FAM204A: variants seen among roughly 807,000 people sequenced by gnomAD.
The protein encoded by FAM204A is family with sequence similarity 204 member A.
FAM204A carries 16 observed loss-of-function variants against 35.4 expected under a neutral mutation model. The observed-to-expected ratio is 0.45, with a 90% confidence interval of 0.31 to 0.69. FAM204A has a LOEUF of 0.69. Among genes scored for constraint, FAM204A ranks in the 30% least tolerant of loss-of-function variants. The probability of loss-of-function intolerance (pLI) is 0.07; values close to 1 mark genes in which losing one functional copy is unlikely to be tolerated. For synonymous variants in FAM204A, 76 were observed against 86.9 expected, an observed-to-expected ratio of 0.88 and a Z score of 0.70; for missense variants, 240 against 265.7, an observed-to-expected ratio of 0.90 and a Z score of 0.67.
rs1282408477 is a variant in FAM204A at position 118,309,100 on chromosome 10, T to C, written c.*1757A>G. The C allele has an allele frequency of 2.0e-5, 3 of 152,212 alleles. No individual in the cohort carries two copies. Among genetic ancestry groups the C allele is most frequent in the Non-Finnish European group, 2.9e-5 (2 of 68,046 alleles). 9.4% of individuals were successfully genotyped at this position (152,212 alleles called of 1,614,324 possible). On this transcript the variant is annotated 3_prime_UTR_variant, in exon 9 of 9. Coordinates refer to ENST00000369183, the MANE Select transcript of FAM204A (RefSeq NM_022063.3). Reference sequence around the variant, plus strand: ...ATTTACCTAATTTAGCAGTTTGAAATGAATATTGTAGGTAAGTTTTACATG... The same window carrying C: ...ATTTACCTAATTTAGCAGTTTGAAACGAATATTGTAGGTAAGTTTTACATG...
rs1845841399 is a variant in FAM204A at position 118,304,498 on chromosome 10, GC to G, written c.*6358del. On this transcript the variant is annotated 3_prime_UTR_variant, in exon 9 of 9. Transcript: ENST00000369183. ...GTTGTGTGTGAGTTGGTTCTGGCCAGCTCTTTTCAACGCCATCTCTTTCTGC... is the reference window on the plus strand; with the variant it reads ...GTTGTGTGTGAGTTGGTTCTGGCCAGTCTTTTCAACGCCATCTCTTTCTGC... The G allele has an allele frequency of 1.3e-5, 2 of 152,436 alleles. No individual in the cohort carries two copies. The highest frequency in any genetic ancestry group is 2.9e-5 in the Non-Finnish European group (2 of 68,178). 9.4% of individuals were successfully genotyped at this position (152,436 alleles called of 1,614,324 possible). A position where few individuals can be genotyped will look rare whatever the true frequency, so the allele number is the denominator to read the frequency against.
intron 7 of FAM204A, among the ~76,000 whole-genome samples, chr10:118,319,447 CA>C (rs1846078885): frequency 6.6e-6 from 1 of 151,916 alleles, no homozygotes; most frequent in African/African-American, 2.4e-5. Context: ...CAGTCTACTT[CA>C]TTTATAATAA....
rs1304792843 is a variant in FAM204A at position 118,305,617 on chromosome 10, T to G, written c.*5240A>C. 6.6e-6 allele frequency: 1 copy of G among 152,232 alleles called. No individual in the cohort carries two copies. Among genetic ancestry groups the G allele is most frequent in the Non-Finnish European group, 1.5e-5 (1 of 68,036 alleles). 9.4% of individuals were successfully genotyped at this position (152,232 alleles called of 1,614,324 possible). A position where few individuals can be genotyped will look rare whatever the true frequency, so the allele number is the denominator to read the frequency against. ...TTAAGTCTACATTACTTCTTATATG[T>G]AGATTATGTCTTTGTATTCAGCAAA... On this transcript the variant is annotated 3_prime_UTR_variant, in exon 9 of 9. Transcript: ENST00000369183.
intron 7 of FAM204A, among the ~76,000 whole-genome samples, chr10:118,312,184 A>G (rs1845963492): frequency 6.6e-6 from 1 of 152,232 alleles, no homozygotes; most frequent in Non-Finnish European, 1.5e-5. Flanking sequence ...ATGCCCACCA[A>G]TGCGGACAGC....
In FAM204A at chr10:118,303,827, A is replaced by C. The variant is rs1845834226; in HGVS notation, c.*7030T>G. The C allele has an allele frequency of 7.3e-6, 1 of 136,802 alleles. No homozygotes were observed. Among genetic ancestry groups the C allele is most frequent in the Non-Finnish European group, 1.7e-5 (1 of 60,204 alleles). The allele number at this position is 136,802 out of a possible 1,614,324, so 8.5% of individuals were successfully genotyped here. On this transcript the variant is annotated 3_prime_UTR_variant, in exon 9 of 9. Transcript: ENST00000369183. ...CTCCGTCTCAAAAAGAAAAAAAGAA[A>C]AAAAACAGCTCCTTTGCCACAAGCA...
intron 6 of FAM204A, among the ~76,000 whole-genome samples, chr10:118,332,790 GT>G (rs774912950): frequency 1.2e-4 from 19 of 152,246 alleles, no homozygotes; most frequent in Middle Eastern, 3.4e-3. Flanking sequence ...AGTACCTCTG[GT>G]TTTTCATGCC....
At chr10:118,325,887 C>G (rs574707879) in intron 7 of FAM204A, among the ~76,000 whole-genome samples, 1 of 152,074 alleles carries the variant, frequency 6.6e-6, no homozygotes, top group Non-Finnish European at 1.5e-5. Context: ...TGAAACAAAC[C>G]TCTCTGATCC....
chr10:118,337,920 A>C (rs952033597), intron 2 of FAM204A, among the ~76,000 whole-genome samples: 2 of 152,176 alleles, frequency 1.3e-5, no homozygotes, highest in African/African-American at 4.8e-5. Flanking sequence ...ATAGTTTTGA[A>C]GTTTCTAATA....
At chr10:118,322,634 A>G (rs1334351258) in intron 7 of FAM204A, among the ~76,000 whole-genome samples, 1 of 152,108 alleles carries the variant, frequency 6.6e-6, no homozygotes, top group Non-Finnish European at 1.5e-5. Flanking sequence ...TATAAAGGGA[A>G]TTAGTGGGAC....
In FAM204A at chr10:118,303,824, G is replaced by GA. The variant is rs930618072; in HGVS notation, c.*7032dup. ...AGACTCCGTCTCAAAAAGAAAAAAAGAAAAAAAACAGCTCCTTTGCCACAA... is the reference window on the plus strand; with the variant it reads ...AGACTCCGTCTCAAAAAGAAAAAAAGAAAAAAAAACAGCTCCTTTGCCACAA... On this transcript the variant is annotated 3_prime_UTR_variant, in exon 9 of 9. Transcript: ENST00000369183. 3.3e-5 allele frequency: 4 copies of GA among 120,720 alleles called. No individual in the cohort carries two copies. Among genetic ancestry groups the GA allele is most frequent in the East Asian group, 2.5e-4 (1 of 4,040 alleles). The allele number at this position is 120,720 out of a possible 1,614,324, so 7.5% of individuals were successfully genotyped here. A position where few individuals can be genotyped will look rare whatever the true frequency, so the allele number is the denominator to read the frequency against.
intron 7 of FAM204A, among the ~76,000 whole-genome samples, chr10:118,317,938 A>G (rs557637978): frequency 6.6e-6 from 1 of 152,134 alleles, no homozygotes; most frequent in South Asian, 2.1e-4. Flanking sequence ...ATGATCCTCA[A>G]CAGACACACA....
rs1354183690 is a variant in FAM204A at position 118,301,226 on chromosome 10, C to CA, written c.*9630dup. On this transcript the variant is annotated 3_prime_UTR_variant, in exon 9 of 9. Coordinates refer to ENST00000369183, the MANE Select transcript of FAM204A (RefSeq NM_022063.3). Reference sequence around the variant, plus strand: ...GGAGTAATAACAACATTAGTACTAACAAACACTTACACACTTTCACAGAAT... The same window carrying CA: ...GGAGTAATAACAACATTAGTACTAACAAAACACTTACACACTTTCACAGAAT... 6.6e-6 allele frequency: 1 copy of CA among 152,202 alleles called. No homozygotes were observed. The highest frequency in any genetic ancestry group is 1.9e-4 in the East Asian group (1 of 5,200). 9.4% of individuals were successfully genotyped at this position (152,202 alleles called of 1,614,324 possible).
rs376144961 is a variant in FAM204A, at chr10:118,300,089, T to C, written c.*10768A>G. ...GGATGTGATTTCTTGGCCATCTTAA[T>C]GGGCTGGACACCCTAGAATGGAAGT... On this transcript the variant is annotated 3_prime_UTR_variant, in exon 9 of 9. Coordinates refer to ENST00000369183, the MANE Select transcript of FAM204A (RefSeq NM_022063.3). 22 of 152,318 alleles carry C rather than the reference T, an allele frequency of 1.4e-4. No individual in the cohort carries two copies. In the East Asian group the frequency reaches 3.3e-3, roughly 23 times the overall value. The allele number at this position is 152,318 out of a possible 1,614,324, so 9.4% of individuals were successfully genotyped here.
chr10:118,319,739 A>C (rs1216155536), intron 7 of FAM204A, among the ~76,000 whole-genome samples: 1 of 151,960 alleles, frequency 6.6e-6, no homozygotes, highest in Non-Finnish European at 1.5e-5. Flanking sequence ...GCGCATTATA[A>C]CCACAGGATC....
chr10:118,340,331 T>A (rs1030912706), intron 2 of FAM204A, among the ~76,000 whole-genome samples: 3 of 152,200 alleles, frequency 2.0e-5, no homozygotes, highest in African/African-American at 7.2e-5. Context: ...TCTTCAAAGT[T>A]GGAAAATGGT....
intron 7 of FAM204A, 68 bp from the exon 8 acceptor site, chr10:118,311,381 T>C (rs911244387): frequency 8.9e-6 from 11 of 1,239,170 alleles, no homozygotes; most frequent in Non-Finnish European, 1.3e-5. Flanking sequence ...ATTACACTTA[T>C]ACAAATAATT....
chr10:118,337,404 T>G (rs1846406188), intron 2 of FAM204A, among the ~76,000 whole-genome samples: 1 of 152,184 alleles, frequency 6.6e-6, no homozygotes, highest in Non-Finnish European at 1.5e-5. Flanking sequence ...CATATTGTGA[T>G]TAACCTAGTT....
chr10:118,332,368 C>A (rs1379454607), intron 6 of FAM204A, among the ~76,000 whole-genome samples: 1 of 151,590 alleles, frequency 6.6e-6, no homozygotes, highest in Non-Finnish European at 1.5e-5. Context: ...CAACCTACCC[C>A]ACGGAAATCA....
At chr10:118,329,620 AC>A (rs1846257666) in intron 6 of FAM204A, among the ~76,000 whole-genome samples, 1 of 151,936 alleles carries the variant, frequency 6.6e-6, no homozygotes, top group Admixed American at 6.6e-5. Flanking sequence ...CTGTTGCTGT[AC>A]CTTGTGTCCC....
Sources: gnomAD v4.1 joint callset for allele counts (sites outside exome capture counted in the v4.1 genomes callset) on GRCh38, gnomAD v4.1.1 for gene constraint, MANE v1.5 for transcripts, NCBI Gene and HGNC (gene_info 2026-07-23, HGNC 2026-07-21) for gene names.